TMEM74: variants seen among roughly 807,000 people sequenced by gnomAD.
The protein encoded by TMEM74 is transmembrane protein 74.
Under a neutral mutation model 18.1 loss-of-function variants are expected in TMEM74, and 13 were observed. The observed-to-expected ratio is 0.72, with a 90% CI of 0.47 to 1.14. The LOEUF (loss-of-function observed/expected upper bound fraction) is 1.14, where lower values mean the gene tolerates loss of function less well. Among genes scored for constraint, TMEM74 ranks in the 50% most tolerant of loss-of-function variants. The probability of loss-of-function intolerance (pLI) is 0.00; values close to 1 mark genes in which losing one functional copy is unlikely to be tolerated. For missense variants in TMEM74, 372 were observed against 375.9 expected (o/e 0.99, Z 0.09); for synonymous variants, 159 against 146.6 (o/e 1.08, Z -0.61).
intron 1 of TMEM74, among the ~76,000 whole-genome samples, chr8:108,676,320 C>T (rs911401310): frequency 4.6e-5 from 7 of 152,154 alleles, no homozygotes; most frequent in African/African-American, 1.2e-4. Flanking sequence ...TGGGACCCTA[C>T]GTGGTCTTGT....
chr8:108,639,713 A>T (rs1789367961), intron 2 of TMEM74, among the ~76,000 whole-genome samples: 1 of 152,164 alleles, frequency 6.6e-6, no homozygotes, highest in South Asian at 2.1e-4. Flanking sequence ...CCCTCCAGTC[A>T]TAATGACAAT....
intron 1 of TMEM74, among the ~76,000 whole-genome samples, chr8:108,752,807 T>C (rs1813916769): frequency 6.6e-6 from 1 of 152,124 alleles, no homozygotes; most frequent in Non-Finnish European, 1.5e-5. Flanking sequence ...ATACATCTCC[T>C]CCTTAGAAAT....
intron 1 of TMEM74, among the ~76,000 whole-genome samples, chr8:108,698,215 G>A (rs538861914): frequency 6.6e-6 from 1 of 152,144 alleles, no homozygotes; most frequent in East Asian, 1.9e-4. Context: ...ACTTTTATAA[G>A]GTCACACAAT....
chr8:108,676,169 C>T (rs1813054268), intron 1 of TMEM74, among the ~76,000 whole-genome samples: 1 of 152,130 alleles, frequency 6.6e-6, no homozygotes, highest in Non-Finnish European at 1.5e-5. Flanking sequence ...TGTGGCAAGT[C>T]AGTAAACTCA....
chr8:108,773,472 A>G (rs1285712236), intron 1 of TMEM74, among the ~76,000 whole-genome samples: 1 of 152,180 alleles, frequency 6.6e-6, no homozygotes, highest in African/African-American at 2.4e-5. Flanking sequence ...AAGGTTTTAA[A>G]ATATGTACGC....
At chr8:108,688,394 G>C (rs748530470) in intron 1 of TMEM74, among the ~76,000 whole-genome samples, 2 of 152,178 alleles carry the variant, frequency 1.3e-5, no homozygotes, top group East Asian at 3.9e-4. Context: ...GATGTTCCAA[G>C]GCTCCTCCTC....
intron 2 of TMEM74, among the ~76,000 whole-genome samples, chr8:108,639,045 C>A (rs779321265): frequency 3.3e-5 from 5 of 152,074 alleles, no homozygotes; most frequent in Non-Finnish European, 4.4e-5. Flanking sequence ...TGGAAAGGAG[C>A]CAAGATATCC....
chr8:108,738,803 C>T (rs549667717), intron 1 of TMEM74, among the ~76,000 whole-genome samples: 3 of 152,258 alleles, frequency 2.0e-5, no homozygotes, highest in Non-Finnish European at 4.4e-5. Flanking sequence ...AATGAACAGT[C>T]CAGGACTGGC....
At chr8:108,752,800 C>T (rs1813916658) in intron 1 of TMEM74, among the ~76,000 whole-genome samples, 1 of 152,112 alleles carries the variant, frequency 6.6e-6, no homozygotes, top group Non-Finnish European at 1.5e-5. Context: ...TCTCTAAATA[C>T]ATCTCCTCCT....
intron 1 of TMEM74, among the ~76,000 whole-genome samples, chr8:108,758,493 T>C (rs1285827479): frequency 3.9e-5 from 6 of 152,054 alleles, no homozygotes; most frequent in African/African-American, 1.4e-4. Context: ...ACGTTAGTAA[T>C]GGAGGAAAAG....
intron 2 of TMEM74, chr8:108,652,859 C>A (rs2130572900): frequency 1.9e-6 from 1 of 523,286 alleles, no homozygotes; most frequent in South Asian, 1.6e-5. Context: ...CAGATGAAAT[C>A]TAATAGGCCA....
chr8:108,739,051 TAATG>T (rs937654486), intron 1 of TMEM74, among the ~76,000 whole-genome samples: 3 of 152,160 alleles, frequency 2.0e-5, no homozygotes, highest in African/African-American at 7.2e-5. Flanking sequence ...CAGTTAAAAA[TAATG>T]AATGTTATTA....
intron 1 of TMEM74, among the ~76,000 whole-genome samples, chr8:108,692,418 C>A (rs1442094818): frequency 6.6e-6 from 1 of 152,152 alleles, no homozygotes; most frequent in Non-Finnish European, 1.5e-5. Context: ...CTTCACCAAC[C>A]AATCCCATTT....
At chr8:108,699,123 T>G (rs1813309267) in intron 1 of TMEM74, among the ~76,000 whole-genome samples, 2 of 106,682 alleles carry the variant, frequency 1.9e-5, no homozygotes, top group Non-Finnish European at 3.9e-5. Flanking sequence ...TCCCCTCTTG[T>G]ACCCTTCCCT....
chr8:108,728,477 C>A (rs1434406430), intron 1 of TMEM74, among the ~76,000 whole-genome samples: 1 of 152,008 alleles, frequency 6.6e-6, no homozygotes, highest in Non-Finnish European at 1.5e-5. Flanking sequence ...TATAAAAGTC[C>A]TCTCCTGATC....
At chr8:108,773,750 A>G (rs1355947953) in intron 1 of TMEM74, among the ~76,000 whole-genome samples, 2 of 152,150 alleles carry the variant, frequency 1.3e-5, no homozygotes, top group Non-Finnish European at 2.9e-5. Flanking sequence ...ACCTCCTGCC[A>G]ACAGCCAGCA....
At chr8:108,773,171 G>A (rs1444155629) in intron 1 of TMEM74, among the ~76,000 whole-genome samples, 4 of 152,066 alleles carry the variant, frequency 2.6e-5, no homozygotes, top group South Asian at 2.1e-4. Context: ...GCAGTGCTCA[G>A]CTCTGCACTC....
At chr8:108,635,514 A>G (rs781147717) in intron 2 of TMEM74, among the ~76,000 whole-genome samples, 4 of 152,086 alleles carry the variant, frequency 2.6e-5, no homozygotes, top group Non-Finnish European at 4.4e-5. Flanking sequence ...GATGTTATAG[A>G]AAAGGTCTTC....
At position 108,717,548 on chromosome 8, in the gene TMEM74, A is replaced by G. The variant is rs1813537809; in HGVS notation, n.120-62111T>C. On this transcript the variant is annotated intron_variant and non_coding_transcript_variant, in intron 1 of 3. Transcript: ENST00000518838. ...TCAGTTATGTAGTATATTAGAGCTC[A>G]TAAATGCTCCAGAGAGAAACAAAGG... 2.0e-5 allele frequency among the ~76,000 whole-genome samples: 3 copies of G among 152,302 alleles called. No homozygotes were observed. The South Asian group carries it at 6.2e-4, about 32-fold the overall frequency.
Sources: allele counts gnomAD v4.1 joint callset (sites outside exome capture counted in the v4.1 genomes callset), GRCh38; gene constraint gnomAD v4.1.1; transcripts MANE v1.5; gene names NCBI Gene and HGNC (gene_info 2026-07-23, HGNC 2026-07-21).